The following DENND6B variants were observed in gnomAD, a reference collection of about 807,000 sequenced individuals.
DENND6B encodes DENN domain containing 6B, also known as protein DENND6B.
Under a neutral mutation model 85.1 loss-of-function variants are expected in DENND6B, and 73 were observed. That is an observed-to-expected ratio of 0.86 (90% CI 0.71 to 1.04). DENND6B has a LOEUF of 1.04. Ranked by LOEUF, DENND6B falls within the 50% of genes least tolerant of loss-of-function variation. The pLI is 0.00. For missense variants in DENND6B, 715 were observed against 785.8 expected, an observed-to-expected ratio of 0.91 and a Z score of 1.08; for synonymous variants, 357 against 329.3, an observed-to-expected ratio of 1.08 and a Z score of -0.91.
At chr22:50,319,151 T>C (rs1434386410) in intron 1 of DENND6B, 148 bp from the exon 2 acceptor site, 1 of 1,531,986 alleles carries the variant, frequency 6.5e-7, no homozygotes, top group East Asian at 2.5e-5. Context: ...GCTCGCCCCC[T>C]GCTCCCTGTT....
In DENND6B at chr22:50,310,036, G is replaced by A. The variant is rs1229145131; in HGVS notation, c.*2103C>T. ...TAAGGCTTTTGCAGAGGGCCCTGGT[G>A]GAGGGCAGCTGATGGCAGGGCCTGT... On this transcript the variant is annotated 3_prime_UTR_variant, in exon 20 of 20. Coordinates refer to ENST00000413817, the MANE Select transcript of DENND6B (RefSeq NM_001001794.4). The A allele has an allele frequency of 6.6e-6, 1 of 152,256 alleles. No homozygotes were observed. The highest frequency in any genetic ancestry group is 2.4e-5 in the African/African-American group (1 of 41,462). 9.4% of individuals were successfully genotyped at this position (152,256 alleles called of 1,614,324 possible).
chr22:50,320,578 G>C (rs1459169053), intron 1 of DENND6B, among the ~76,000 whole-genome samples: 1 of 152,176 alleles, frequency 6.6e-6, no homozygotes, highest in Non-Finnish European at 1.5e-5. Context: ...AGGTTTACTA[G>C]AACAGGTGGG....
rs1253197926 is a variant in DENND6B, at chr22:50,317,257, CTT to C, written c.453+34_453+35del. ...CTGCTGCCTGCCAGCTCCTGCCGCTCTTGAGGTGCCAGCCCAGAGTGGCCAAG... is the reference window on the plus strand; with the variant it reads ...CTGCTGCCTGCCAGCTCCTGCCGCTCGAGGTGCCAGCCCAGAGTGGCCAAG... On this transcript the variant is annotated intron_variant, in intron 5 of 19. Coordinates refer to ENST00000413817, the MANE Select transcript of DENND6B (RefSeq NM_001001794.4). 6.8e-6 allele frequency: 11 copies of C among 1,610,436 alleles called. No homozygotes were observed. In the Middle Eastern group the frequency reaches 1.7e-3, roughly 242 times the overall value.
In DENND6B at chr22:50,314,431, G is replaced by A. The variant is rs376934930; in HGVS notation, c.1041C>T (p.His347=). ...FFIKTLQHWP[H]ILRVGEPKMS... is the part of the protein sequence containing the mutation. ...TCTTGGGCTCCCCGACTCGGAGGAT[G>A]TGGGGCCAGTGCTGGAGTGTTTTGA... The change falls in exon 12 of 20, where the codon CAC becomes CAT. Residue 347 remains histidine, a synonymous_variant. Coordinates refer to ENST00000413817, the MANE Select transcript of DENND6B (RefSeq NM_001001794.4). 3 of 1,565,512 alleles carry A rather than the reference G, an allele frequency of 1.9e-6. No individual in the cohort carries two copies. The highest frequency in any genetic ancestry group is 2.6e-6 in the Non-Finnish European group (3 of 1,154,442).
At chr22:50,317,075 G>A (rs1478554891) in intron 5 of DENND6B, 1 of 300,132 alleles carries the variant, frequency 3.3e-6, no homozygotes, top group African/African-American at 4.2e-5. Flanking sequence ...GTGGGGGGGG[G>A]CGGCGAGGAC....
rs1165228040 is a variant in DENND6B at position 50,311,577 on chromosome 22, C to G, written c.*562G>C. On this transcript the variant is annotated 3_prime_UTR_variant, in exon 20 of 20. Coordinates refer to ENST00000413817, the MANE Select transcript of DENND6B (RefSeq NM_001001794.4). Reference sequence around the variant, plus strand: ...GCCCAACCCCTACCTCCCAACAAACCACAGCCCCAAGCAGGTGGGTGTCCA... The same window carrying G: ...GCCCAACCCCTACCTCCCAACAAACGACAGCCCCAAGCAGGTGGGTGTCCA... 6.4e-6 allele frequency: 1 copy of G among 155,238 alleles called. No homozygotes were observed. The highest frequency in any genetic ancestry group is 1.4e-5 in the Non-Finnish European group (1 of 69,962). 9.6% of individuals were successfully genotyped at this position (155,238 alleles called of 1,614,324 possible).
chr22:50,319,359 CTCAG>C, intron 1 of DENND6B: 1 of 985,416 alleles, frequency 1.0e-6, no homozygotes, highest in Non-Finnish European at 1.2e-6. Flanking sequence ...CCAGGCCCCT[CTCAG>C]TAAGAGGCCA....
chr22:50,322,177 A>C (rs183166435), intron 1 of DENND6B, among the ~76,000 whole-genome samples: 3,191 of 147,894 alleles, frequency 0.022, 61 homozygotes, highest in Admixed American at 0.033. Flanking sequence ...CGGGTTCACG[A>C]CATTCTCCTG....
chr22:50,314,473 G>A lies in DENND6B; in HGVS notation c.999C>T (p.Val333=). The A allele has an allele frequency of 6.4e-7, 1 of 1,561,750 alleles. No homozygotes were observed. The highest frequency in any genetic ancestry group is 8.7e-7 in the Non-Finnish European group (1 of 1,152,128). ...GTGTTTTGATAAAGAAAGGGTTTGT[G>A]ACTCCCAGGACCACGTTTGGTCTAG... is the stretch of plus-strand genomic sequence containing the variant. ...TQAPPNVVLG[V]TNPFFIKTLQ... The change falls in exon 12 of 20, where the codon GTC becomes GTT. Residue 333 remains valine, a synonymous_variant. Coordinates refer to ENST00000413817, the MANE Select transcript of DENND6B (RefSeq NM_001001794.4).
chr22:50,326,726 C>T, intron 1 of DENND6B, 86 bp downstream of exon 1: 1 of 1,183,410 alleles, frequency 8.5e-7, no homozygotes, highest in Non-Finnish European at 1.1e-6. Context: ...GAGTGCGGGG[C>T]GGCCGAGGGC....
In DENND6B at chr22:50,314,866, C is replaced by G. The variant is rs375200663; in HGVS notation, c.814G>C (p.Gly272Arg). The G allele has an allele frequency of 2.1e-5, 34 of 1,612,104 alleles. No individual in the cohort carries two copies. Among genetic ancestry groups the G allele is most frequent in the Admixed American group, 5.0e-5 (3 of 59,950 alleles). The change falls in exon 10 of 20, where the codon GGG (glycine) becomes CGG (arginine). Residue 272 changes from glycine (G) to arginine (R), a missense_variant. Gly to Arg is a moderately radical substitution (Grantham distance 125). Coordinates refer to ENST00000413817, the MANE Select transcript of DENND6B (RefSeq NM_001001794.4). ...MQTLWELMLL[G>R]EPLLVLAPSP... ...GGTGCCAGGACTAGCAGGGGCTCCC[C>G]GAGGAGCATGAGCTCCCACAGTGTC...
intron 1 of DENND6B, among the ~76,000 whole-genome samples, chr22:50,320,578 G>A (rs1459169053): frequency 1.3e-5 from 2 of 152,176 alleles, no homozygotes; most frequent in African/African-American, 4.8e-5. Flanking sequence ...AGGTTTACTA[G>A]AACAGGTGGG....
intron 1 of DENND6B, among the ~76,000 whole-genome samples, chr22:50,321,548 G>C (rs1169941809): frequency 6.6e-6 from 1 of 151,786 alleles, no homozygotes; most frequent in East Asian, 1.9e-4. Flanking sequence ...TTTTTTAGTA[G>C]AGACAGGGCT....
rs1448805930 is a variant in DENND6B at position 50,315,743 on chromosome 22, A to G, written c.729T>C (p.Leu243=). The change falls in exon 9 of 20, where the codon CTT becomes CTC. Residue 243 remains leucine, a synonymous_variant. Transcript: ENST00000413817. ...ACAGGTCCAGCTCGTGGACGCTAGCAAGAACCACTGGGGCTGGCAGCAGGT... is the reference window on the plus strand; with the variant it reads ...ACAGGTCCAGCTCGTGGACGCTAGCGAGAACCACTGGGGCTGGCAGCAGGT... ...QENLLPAPVV[L]ASVHELDLFR... is the part of the protein sequence containing the mutation. 1 of 1,555,010 alleles carries G rather than the reference A, an allele frequency of 6.4e-7. No individual in the cohort carries two copies. The highest frequency in any genetic ancestry group is 8.7e-7 in the Non-Finnish European group (1 of 1,151,116).
At position 50,318,951 on chromosome 22, in the gene DENND6B, G is replaced by A. The variant is rs749511791; in HGVS notation, c.216+14C>T. The A allele has an allele frequency of 1.4e-5, 22 of 1,608,504 alleles. No individual in the cohort carries two copies. Among genetic ancestry groups the A allele is most frequent in the Non-Finnish European group, 1.9e-5 (22 of 1,177,666 alleles). On this transcript the variant is annotated intron_variant, in intron 2 of 19. Transcript: ENST00000413817. ...TCCTGGGTCCTGTCCATTCCCAAGA[G>A]GGCCGGGACTCACCTCCTTGTCTGT...
intron 1 of DENND6B, among the ~76,000 whole-genome samples, chr22:50,324,269 G>C (rs2147793984): frequency 6.6e-6 from 1 of 152,308 alleles, no homozygotes; most frequent in South Asian, 2.1e-4. Context: ...TGAGGGCTAA[G>C]GGGGAGTCCT....
chr22:50,317,441 G>A, intron 4 of DENND6B, 68 bp from the exon 5 acceptor site: 2 of 1,559,330 alleles, frequency 1.3e-6, no homozygotes, highest in Admixed American at 3.4e-5. Context: ...AGGGCTGGGA[G>A]TGGCAAGGAG....
chr22:50,324,681 C>T (rs1005801949), intron 1 of DENND6B, among the ~76,000 whole-genome samples: 13 of 152,312 alleles, frequency 8.5e-5, no homozygotes, highest in East Asian at 3.9e-4. Flanking sequence ...GCCTCGGCCT[C>T]CCAAAGTGCT....
At chr22:50,314,965 G>A in intron 9 of DENND6B, 44 bp from the exon 10 acceptor site, 1 of 1,598,396 alleles carries the variant, frequency 6.3e-7, no homozygotes, top group Non-Finnish European at 8.5e-7. Flanking sequence ...CAGGGGCTGA[G>A]ACTCCTGGCT....
Sources: allele counts gnomAD v4.1 joint callset (sites outside exome capture counted in the v4.1 genomes callset), GRCh38; gene constraint gnomAD v4.1.1; transcripts MANE v1.5; gene names NCBI Gene and HGNC (gene_info 2026-07-23, HGNC 2026-07-21).